The following MGRN1 variants were observed in gnomAD, a reference collection of about 807,000 sequenced individuals.
The protein encoded by MGRN1 is E3 ubiquitin-protein ligase MGRN1.
In MGRN1, 29 loss-of-function variants were observed where a neutral mutation model predicts 69.2. That is an observed-to-expected ratio of 0.42 (90% confidence interval 0.31 to 0.57). The LOEUF (loss-of-function observed/expected upper bound fraction) is 0.57. Ranked by LOEUF, MGRN1 falls within the 20% of genes least tolerant of loss-of-function variation. The pLI is 0.15. For synonymous variants in MGRN1, 470 were observed against 344.2 expected, an observed-to-expected ratio of 1.37 and a Z score of -4.04; for missense variants, 998 against 796.2, an observed-to-expected ratio of 1.25 and a Z score of -3.05.
rs2078764176 is a variant in MGRN1 at position 4,664,849 on chromosome 16, C to T, written c.628+74C>T. ...GGAAGCACGTCTTGAGGGAGGAGTG[C>T]TTGCAGCAGTGATGAAGCAGGCCAG... On this transcript the variant is annotated intron_variant, in intron 6 of 16. Transcript: ENST00000262370. 1.0e-5 allele frequency: 16 copies of T among 1,571,316 alleles called. No individual in the cohort carries two copies. In the Admixed American group the frequency reaches 2.5e-4, roughly 25 times the overall value.
intron 11 of MGRN1, among the ~76,000 whole-genome samples, chr16:4,678,265 C>T (rs564718704): frequency 2.7e-5 from 4 of 146,846 alleles, no homozygotes; most frequent in South Asian, 4.4e-4. Flanking sequence ...ACCTTAAGGG[C>T]AGGCCCTGCT....
intron 1 of MGRN1, chr16:4,633,749 A>G (rs948805123): frequency 1.3e-5 from 2 of 151,394 alleles, no homozygotes; most frequent in Non-Finnish European, 2.9e-5. Context: ...ACGGAGTCTC[A>G]CTCTTTCTCC....
chr16:4,675,104 C>G (rs1410402182), intron 10 of MGRN1, among the ~76,000 whole-genome samples: 2 of 152,162 alleles, frequency 1.3e-5, no homozygotes, highest in East Asian at 3.9e-4. Context: ...TCCTGAGTTG[C>G]TGGGATTACA....
chr16:4,625,675 T>C (rs1252783395), intron 1 of MGRN1, among the ~76,000 whole-genome samples: 2 of 152,200 alleles, frequency 1.3e-5, no homozygotes, highest in Non-Finnish European at 2.9e-5. Flanking sequence ...AGGAAGTGAC[T>C]GCCAAGATCT....
intron 9 of MGRN1, chr16:4,672,336 C>G: frequency 2.2e-6 from 1 of 456,690 alleles, no homozygotes; most frequent in Non-Finnish European, 4.4e-6. Flanking sequence ...CCTGAGACCA[C>G]CACGCCTGGT....
At chr16:4,680,332 T>C in intron 12 of MGRN1, 1 of 516,284 alleles carries the variant, frequency 1.9e-6, no homozygotes, top group East Asian at 3.4e-5. Context: ...CAGCTTTGCC[T>C]CCGCCCCGCG....
chr16:4,682,738 C>A, intron 13 of MGRN1, 85 bp from the exon 14 acceptor site: 14 of 1,413,118 alleles, frequency 9.9e-6, no homozygotes, highest in Non-Finnish European at 1.2e-5. Context: ...TGCAGGGGCC[C>A]CCAGGTGCCC....
intron 11 of MGRN1, among the ~76,000 whole-genome samples, chr16:4,678,101 C>T (rs2079093135): frequency 6.6e-6 from 1 of 152,230 alleles, no homozygotes; most frequent in South Asian, 2.1e-4. Flanking sequence ...CCTGCCTCAG[C>T]CTCCCACAGT....
Position 4,680,080 on chromosome 16 carries a change from A to G in MGRN1, c.1114A>G (p.Lys372Glu). The G allele has an allele frequency of 2.5e-6, 4 of 1,614,090 alleles. No homozygotes were observed. The highest frequency in any genetic ancestry group is 3.4e-6 in the Non-Finnish European group (4 of 1,179,968). The change falls in exon 12 of 17, where the codon AAA becomes GAA. Residue 372 changes from lysine (K) to glutamate (E), a missense_variant. Coordinates refer to ENST00000262370, the MANE Select transcript of MGRN1 (RefSeq NM_015246.4). ...GCACCCCGCCTCCCTGGCCAGCAAG[A>G]AACCTAAAAGGGAAACAGTAAGTGT... ...KPHPASLASK[K>E]PKRETNSDSV... is the part of the protein sequence containing the mutation.
intron 5 of MGRN1, among the ~76,000 whole-genome samples, chr16:4,663,365 G>GTTTTTTTTTTTTTTTTTTT: frequency 1.6e-5 from 1 of 61,804 alleles, no homozygotes; most frequent in Non-Finnish European, 3.0e-5. Flanking sequence ...ACCTGGCCTT[G>GTTTTTTTTTTTTTTTTTTT]TTTTTTTTTT....
chr16:4,635,801 ATTTT>A (rs34343082), intron 1 of MGRN1, among the ~76,000 whole-genome samples: 1 of 125,696 alleles, frequency 8.0e-6, no homozygotes, highest in Non-Finnish European at 1.7e-5. Flanking sequence ...CGCCCAGCTA[ATTTT>A]TTTTTTTTTT....
At chr16:4,644,182 G>C (rs1182197665) in intron 1 of MGRN1, among the ~76,000 whole-genome samples, 1 of 151,796 alleles carries the variant, frequency 6.6e-6, no homozygotes, top group Non-Finnish European at 1.5e-5. Flanking sequence ...AGTAGAGATG[G>C]GGTTTTACCA....
intron 8 of MGRN1, 115 bp downstream of exon 8, chr16:4,668,427 A>G: frequency 9.5e-7 from 1 of 1,054,884 alleles, no homozygotes; most frequent in South Asian, 1.5e-5. Flanking sequence ...ATACTCATAC[A>G]CGCTCATACA....
intron 10 of MGRN1, among the ~76,000 whole-genome samples, chr16:4,676,696 C>A (rs567417060): frequency 6.6e-6 from 1 of 152,142 alleles, no homozygotes; most frequent in Non-Finnish European, 1.5e-5. Flanking sequence ...GGCCTGCACA[C>A]GTCACTAAAG....
At chr16:4,686,286 G>C in intron 16 of MGRN1, 1 of 1,544,990 alleles carries the variant, frequency 6.5e-7, no homozygotes, top group Non-Finnish European at 8.7e-7. Context: ...TGCTCTGTTG[G>C]TATAGACGAG....
Position 4,664,214 on chromosome 16 carries a change from G to A in MGRN1, c.562-495G>A, listed in dbSNP as rs145623663. On this transcript the variant is annotated intron_variant, in intron 5 of 16. Transcript: ENST00000262370. ...TGGCCAGAAAAAGGAAAGCAGCACC[G>A]ATGCGTGCTGCACCGTGGGTGAACT... The A allele has an allele frequency of 2.8e-3, 495 of 176,712 alleles. 3 individuals are homozygous for A. The highest frequency in any genetic ancestry group is 0.011 in the African/African-American group (472 of 42,174). 10.9% of individuals were successfully genotyped at this position (176,712 alleles called of 1,614,324 possible).
At chr16:4,655,719 C>T (rs1326743655) in intron 4 of MGRN1, among the ~76,000 whole-genome samples, 2 of 152,158 alleles carry the variant, frequency 1.3e-5, no homozygotes, top group East Asian at 3.9e-4. Context: ...CAGAAAAGGA[C>T]CTGGAGGCTC....
At chr16:4,657,169 C>G (rs1697259071) in intron 4 of MGRN1, 77 bp from the exon 5 acceptor site, 2 of 1,366,732 alleles carry the variant, frequency 1.5e-6, no homozygotes, top group Admixed American at 3.5e-5. Context: ...GCCCTTCCAG[C>G]TGTCGGAGTG....
intron 1 of MGRN1, among the ~76,000 whole-genome samples, chr16:4,639,284 G>T (rs2078105459): frequency 6.6e-6 from 1 of 152,200 alleles, no homozygotes; most frequent in Non-Finnish European, 1.5e-5. Flanking sequence ...AATGGCGGCG[G>T]GAGCGTTGAC....
Sources: gnomAD v4.1 joint callset for allele counts (sites outside exome capture counted in the v4.1 genomes callset) on GRCh38, gnomAD v4.1.1 for gene constraint, MANE v1.5 for transcripts, NCBI Gene and HGNC (gene_info 2026-07-23, HGNC 2026-07-21) for gene names.